Variants in ERN1 observed in about 807,000 individuals in gnomAD.
The protein encoded by ERN1 is endoplasmic reticulum to nucleus signaling 1.
In ERN1, 39 loss-of-function variants were observed where a neutral mutation model predicts 113.1. The ratio of observed to expected loss-of-function variants is 0.34; its 90% CI spans 0.27 to 0.45. The LOEUF is 0.45. Ranked by LOEUF, ERN1 falls within the 20% of genes least tolerant of loss-of-function variation. The probability of loss-of-function intolerance (pLI) is 1.00; values close to 1 mark genes in which losing one functional copy is unlikely to be tolerated. For synonymous variants in ERN1, 507 were observed against 515.9 expected, an observed-to-expected ratio of 0.98 and a Z score of 0.23; for missense variants, 976 against 1,274.8, an observed-to-expected ratio of 0.77 and a Z score of 3.57.
chr17:64,120,326 A>G (rs1914922960), intron 1 of ERN1, among the ~76,000 whole-genome samples: 1 of 152,168 alleles, frequency 6.6e-6, no homozygotes, highest in Non-Finnish European at 1.5e-5. Flanking sequence ...TTGGTCAACA[A>G]ACTTCTCTGA....
At position 64,049,281 on chromosome 17, in the gene ERN1, G is replaced by A. The variant is rs1912610243; in HGVS notation, c.2254-79C>T. On this transcript the variant is annotated intron_variant, in intron 17 of 21. Transcript: ENST00000433197. This position sits in a 1 kb window ranked among gnomAD's most constrained non-coding sequence, Gnocchi z 4.7. ...TCACAGTCAGGGAGGGAGGAGCATT[G>A]CTGCTGCTTCTGCCACCTAGAAGGT... The A allele has an allele frequency of 2.3e-5, 33 of 1,407,094 alleles. No homozygotes were observed. The highest frequency in any genetic ancestry group is 3.0e-5 in the Non-Finnish European group (31 of 1,047,628). 87.2% of individuals were successfully genotyped at this position (1,407,094 alleles called of 1,614,324 possible). A position where few individuals can be genotyped will look rare whatever the true frequency, so the allele number is the denominator to read the frequency against.
At position 64,040,513 on chromosome 17, in the gene ERN1, G is replaced by T. The variant is rs1912303812; in HGVS notation, c.*3475C>A. 1 of 152,384 alleles carries T rather than the reference G, an allele frequency of 6.6e-6. No homozygotes were observed. The highest frequency in any genetic ancestry group is 2.1e-4 in the South Asian group (1 of 4,830). 9.4% of individuals were successfully genotyped at this position (152,384 alleles called of 1,614,324 possible). ...TTAATCTCTCACTGCAGCAAGAAAA[G>T]AATTGCCAAAGATAACTGAATCGCA... On this transcript the variant is annotated 3_prime_UTR_variant, in exon 22 of 22. Coordinates refer to ENST00000433197, the MANE Select transcript of ERN1 (RefSeq NM_001433.5).
rs570255248 is a variant in ERN1, at chr17:64,060,524, G to A, written c.1151C>T (p.Pro384Leu). 27 of 1,613,904 alleles carry A rather than the reference G, an allele frequency of 1.7e-5. No homozygotes were observed. The South Asian group carries it at 3.0e-4, about 18-fold the overall frequency. The change falls in exon 11 of 22, where the codon CCC becomes CTC. Residue 384 changes from proline to leucine, a missense_variant. Pro to Leu is a moderately conservative substitution (Grantham distance 98, BLOSUM62 -3). Coordinates refer to ENST00000433197, the MANE Select transcript of ERN1 (RefSeq NM_001433.5). ...KMLERFPNNLPKHRENVIPAD... is the reference protein window; with the variant it reads ...KMLERFPNNLLKHRENVIPAD... The stretch of plus-strand genomic sequence containing the variant: ...AGGAATCACATTTTCCCGATGTTTG[G>A]GTAGATTGTTGGGAAATCTCTCCAG...
chr17:64,056,162 C>T (rs935303757), intron 12 of ERN1, among the ~76,000 whole-genome samples: 5 of 152,188 alleles, frequency 3.3e-5, no homozygotes, highest in Non-Finnish European at 5.9e-5. Context: ...TCATACAGCC[C>T]ACTCCCCAAC....
chr17:64,109,076 A>C (rs191977701), intron 1 of ERN1, among the ~76,000 whole-genome samples: 42 of 152,184 alleles, frequency 2.8e-4, no homozygotes, highest in Non-Finnish European at 5.7e-4. Context: ...GTGAGCTGAG[A>C]TCGCACCATT....
rs1272148366 is a variant in ERN1, at chr17:64,052,903, G to T, written c.2130C>A (p.Ser710=). The part of the protein sequence containing the change: ...NAHGKIKAMI[S]DFGLCKKLAV... ...CCAGCTTCTTGCAGAGGCCAAAGTC[G>T]GAGATCATGGCCTTGATCTTGCCGT... The change falls in exon 17 of 22, where the codon TCC becomes TCA. Residue 710 remains serine, a synonymous_variant. Coordinates refer to ENST00000433197, the MANE Select transcript of ERN1 (RefSeq NM_001433.5). The T allele has an allele frequency of 6.2e-7, 1 of 1,613,830 alleles. No homozygotes were observed. Among genetic ancestry groups the T allele is most frequent in the Non-Finnish European group, 8.5e-7 (1 of 1,179,846 alleles).
At chr17:64,093,869 T>G (rs563596623) in intron 2 of ERN1, among the ~76,000 whole-genome samples, 104 of 152,344 alleles carry the variant, frequency 6.8e-4, no homozygotes, top group African/African-American at 2.4e-3. Context: ...CACTAGGCCC[T>G]ACACCAGTGG....
chr17:64,102,439 G>A (rs1294771305), intron 1 of ERN1, among the ~76,000 whole-genome samples: 2 of 152,212 alleles, frequency 1.3e-5, no homozygotes, highest in Non-Finnish European at 2.9e-5. Flanking sequence ...ACAACTGGCA[G>A]GTTCTTCTCA....
In ERN1 at chr17:64,129,997, C is replaced by G. The variant is rs1335695465; in HGVS notation, c.33G>C (p.Thr11=). ...TCACCCCGAGGCCGGGCAGCAGCAG[C>G]GTCAGCAGCAGCAGCAGCCGCCGGG... is the stretch of plus-strand genomic sequence containing the variant. MPARRLLLLL[T]LLLPGLGIFG... Residue 11 remains threonine (T), a synonymous_variant, in exon 1 of 22, where the codon ACG becomes ACC. Coordinates refer to ENST00000433197, the MANE Select transcript of ERN1 (RefSeq NM_001433.5). 3 of 1,448,604 alleles carry G rather than the reference C, an allele frequency of 2.1e-6. No homozygotes were observed. Among genetic ancestry groups the G allele is most frequent in the East Asian group, 3.0e-5 (1 of 33,332 alleles). The allele number at this position is 1,448,604 out of a possible 1,614,324, so 89.7% of individuals were successfully genotyped here.
In ERN1 at chr17:64,057,902, G is replaced by C; in HGVS notation, c.1298C>G (p.Pro433Arg). The C allele has an allele frequency of 6.2e-7, 1 of 1,613,146 alleles. No individual in the cohort carries two copies. The highest frequency in any genetic ancestry group is 8.5e-7 in the Non-Finnish European group (1 of 1,179,546). The change falls in exon 12 of 22, where the codon CCC becomes CGC. Residue 433 changes from proline to arginine, a missense_variant. Around this residue, in one of 5 missense-constraint regions of ERN1, gnomAD observed 459 missense variants for 581.2 expected, o/e 0.79. Transcript: ENST00000433197. Reference protein sequence around the residue: ...EEKPAHAPARPEAPVDSMLKD... With the variant: ...EEKPAHAPARREAPVDSMLKD... Reference sequence around the variant, plus strand: ...AAGCATGGAGTCCACGGGGGCCTCGGGCCGGGCAGGGGCATGGGCGGGCTT... The same window carrying C: ...AAGCATGGAGTCCACGGGGGCCTCGCGCCGGGCAGGGGCATGGGCGGGCTT...
At chr17:64,102,623 G>C (rs1369351921) in intron 1 of ERN1, 2 of 968,914 alleles carry the variant, frequency 2.1e-6, no homozygotes, top group Non-Finnish European at 2.5e-6. Flanking sequence ...AATTAAACAT[G>C]TTTCCAGATG....
intron 1 of ERN1, among the ~76,000 whole-genome samples, chr17:64,115,955 A>C (rs974774319): frequency 2.0e-5 from 3 of 152,230 alleles, no homozygotes; most frequent in African/African-American, 7.2e-5. Context: ...CAAAATCCGC[A>C]TAACAATTTG....
At chr17:64,055,056 G>A (rs893211943) in intron 13 of ERN1, among the ~76,000 whole-genome samples, 2 of 152,148 alleles carry the variant, frequency 1.3e-5, no homozygotes, top group East Asian at 1.9e-4. Context: ...ACCTTATTGT[G>A]CGATTGCATA....
At position 64,044,970 on chromosome 17, in the gene ERN1, A is replaced by AT; in HGVS notation, c.2654-44_2654-43insA. 1.5e-6 allele frequency: 2 copies of AT among 1,365,382 alleles called. No individual in the cohort carries two copies. The highest frequency in any genetic ancestry group is 2.1e-6 in the Non-Finnish European group (2 of 974,966). The allele number at this position is 1,365,382 out of a possible 1,614,324, so 84.6% of individuals were successfully genotyped here. Reference sequence around the variant, plus strand: ...GAAGCAATGGGTAATCAAATTTAAAACTAATACATTTTAAAAGAAAACAAT... The same window carrying AT: ...GAAGCAATGGGTAATCAAATTTAAAATCTAATACATTTTAAAAGAAAACAAT... On this transcript the variant is annotated intron_variant, in intron 20 of 21. Transcript: ENST00000433197. The surrounding 1 kb of genome is among the most constrained non-coding windows in gnomAD (Gnocchi z 4.1).
chr17:64,067,298 T>A (rs1175695939), intron 7 of ERN1, among the ~76,000 whole-genome samples: 1 of 151,820 alleles, frequency 6.6e-6, no homozygotes, highest in Admixed American at 6.6e-5. Context: ...TCGATCAAAC[T>A]GAAAGTCAGG....
rs575044812 is a variant in ERN1, at chr17:64,097,627, C to A, written c.175+494G>T. Among the ~76,000 whole-genome samples, 4 of 152,294 alleles carry A rather than the reference C, an allele frequency of 2.6e-5. No homozygotes were observed. The East Asian group carries it at 7.7e-4, about 29-fold the overall frequency. Reference sequence around the variant, plus strand: ...CATGGTATGTTAAGTAAGAAAGAAGCTCAGTCTTTATTCCCCTCACCATAA... The same window carrying A: ...CATGGTATGTTAAGTAAGAAAGAAGATCAGTCTTTATTCCCCTCACCATAA... On this transcript the variant is annotated intron_variant, in intron 2 of 21. Coordinates refer to ENST00000433197, the MANE Select transcript of ERN1 (RefSeq NM_001433.5).
At chr17:64,114,655 A>G (rs1914758890) in intron 1 of ERN1, among the ~76,000 whole-genome samples, 1 of 152,062 alleles carries the variant, frequency 6.6e-6, no homozygotes, top group Non-Finnish European at 1.5e-5. Flanking sequence ...TTTGTTATCT[A>G]TGCAGCTGAA....
rs1369159404 is a variant in ERN1 at position 64,041,713 on chromosome 17, C to G, written c.*2275G>C. 6.6e-6 allele frequency: 1 copy of G among 152,192 alleles called. No homozygotes were observed. Among genetic ancestry groups the G allele is most frequent in the Non-Finnish European group, 1.5e-5 (1 of 68,044 alleles). The allele number at this position is 152,192 out of a possible 1,614,324, so 9.4% of individuals were successfully genotyped here. On this transcript the variant is annotated 3_prime_UTR_variant, in exon 22 of 22. Coordinates refer to ENST00000433197, the MANE Select transcript of ERN1 (RefSeq NM_001433.5). ...CCCACACACTTTGGTTTCTTTGTGG[C>G]AGCAACACTTTTTTATTGTTCTCTC...
intron 19 of ERN1, among the ~76,000 whole-genome samples, chr17:64,045,796 A>G (rs1331961971): frequency 2.0e-5 from 3 of 152,192 alleles, no homozygotes; most frequent in Non-Finnish European, 4.4e-5. Context: ...CGCAAGTGCA[A>G]TCTATATCCA....
Sources: gnomAD v4.1 joint callset for allele counts (sites outside exome capture counted in the v4.1 genomes callset) on GRCh38, gnomAD v4.1.1 for gene constraint, gnomAD v4.1.1 regional missense constraint, Gnocchi (gnomAD v3.1) non-coding constraint, MANE v1.5 for transcripts, NCBI Gene and HGNC (gene_info 2026-07-23, HGNC 2026-07-21) for gene names.